NAA15: variants seen among roughly 807,000 people sequenced by gnomAD.
The protein encoded by NAA15 is N-alpha-acetyltransferase 15, NatA auxiliary subunit, also known as N-terminal acetyltransferase.
Under a neutral mutation model 114.0 loss-of-function variants are expected in NAA15, and 34 were observed. The observed-to-expected ratio is 0.30, with a 90% CI of 0.23 to 0.40. The LOEUF is 0.40. NAA15 is among the 10% of genes least tolerant of loss of function. The pLI, the probability that NAA15 is intolerant of heterozygous loss-of-function variation, is 1.00. For synonymous variants in NAA15, 340 were observed against 338.0 expected, an observed-to-expected ratio of 1.01 and a Z score of -0.06; for missense variants, 658 against 1,004.5, an observed-to-expected ratio of 0.66 and a Z score of 4.66.
intron 9 of NAA15, 113 bp from the exon 10 acceptor site, chr4:139,353,913 G>T (rs1747860027): frequency 2.8e-6 from 2 of 721,802 alleles, no homozygotes; most frequent in Admixed American, 5.3e-5. Context: ...ATAAAGGAGG[G>T]TGTGTGTGTT....
At chr4:139,301,856 G>T (rs962018727) in intron 1 of NAA15, 25 bp downstream of exon 1, 1 of 1,577,620 alleles carries the variant, frequency 6.3e-7, no homozygotes, top group East Asian at 2.4e-5. Flanking sequence ...CCGGGCAAGC[G>T]GTGGGGAGGA....
At chr4:139,314,328 G>C (rs111342624) in intron 1 of NAA15, among the ~76,000 whole-genome samples, 6 of 151,782 alleles carry the variant, frequency 4.0e-5, no homozygotes, top group Admixed American at 2.0e-4. Context: ...ACTTGTTTTG[G>C]CTAGGTGCTG....
chr4:139,335,444 C>T (rs1370496080), intron 2 of NAA15, among the ~76,000 whole-genome samples: 1 of 152,036 alleles, frequency 6.6e-6, no homozygotes, highest in African/African-American at 2.4e-5. Flanking sequence ...CAGCTCACTA[C>T]AGCTTCCACC....
intron 1 of NAA15, among the ~76,000 whole-genome samples, chr4:139,314,984 C>CGTTCAGTTCA (rs200195608): frequency 2.4e-5 from 2 of 84,390 alleles, no homozygotes; most frequent in African/African-American, 4.0e-5. Context: ...CCTAGAGAAG[C>CGTTCAGTTCA]GTTCAGTTCA....
At chr4:139,349,396 A>C (rs1747705191) in intron 6 of NAA15, 66 bp from the exon 7 acceptor site, 3 of 1,384,804 alleles carry the variant, frequency 2.2e-6, no homozygotes, top group Non-Finnish European at 2.9e-6. Context: ...TTTGAGGAAA[A>C]GTTAAAATTC....
At chr4:139,302,013 C>T (rs1055933505) in intron 1 of NAA15, 182 bp downstream of exon 1, 8 of 550,964 alleles carry the variant, frequency 1.5e-5, no homozygotes, top group African/African-American at 7.9e-5. Context: ...GCCCGCGCGC[C>T]AGGGACCACA....
Position 139,301,738 on chromosome 4 carries a change from G to C in NAA15, c.-40G>C, listed in dbSNP as rs1043324484. 2 of 1,543,974 alleles carry C rather than the reference G, an allele frequency of 1.3e-6. No individual in the cohort carries two copies. Among genetic ancestry groups the C allele is most frequent in the Non-Finnish European group, 1.8e-6 (2 of 1,141,336 alleles). Reference sequence around the variant, plus strand: ...CGGCGGTCGGACAAACTGACTGACCGAGCCGGGTGGTGGCGGGAGCAGCGG... The same window carrying C: ...CGGCGGTCGGACAAACTGACTGACCCAGCCGGGTGGTGGCGGGAGCAGCGG... On this transcript the variant is annotated 5_prime_UTR_variant, in exon 1 of 20. Coordinates refer to ENST00000296543, the MANE Select transcript of NAA15 (RefSeq NM_057175.5).
rs773256638 is a variant in NAA15, at chr4:139,389,327, G to C, written c.*1243G>C. On this transcript the variant is annotated 3_prime_UTR_variant, in exon 20 of 20. Transcript: ENST00000296543. ...ATAAATTGTTTTGAAAAACAGTTGTGTGAATATTTCAACTAATCTGTGTTG... is the reference window on the plus strand; with the variant it reads ...ATAAATTGTTTTGAAAAACAGTTGTCTGAATATTTCAACTAATCTGTGTTG... 2 of 150,978 alleles carry C rather than the reference G, an allele frequency of 1.3e-5. No individual in the cohort carries two copies. The highest frequency in any genetic ancestry group is 2.9e-5 in the Non-Finnish European group (2 of 67,838). 9.4% of individuals were successfully genotyped at this position (150,978 alleles called of 1,614,324 possible).
rs1384063405 is a variant in NAA15, at chr4:139,370,216, A to G, written c.1759A>G (p.Met587Val). ...AATTAACTTATTGCCTGCAGCAAAC[A>G]TGTCTGACAAAGAGCTAAAGAAGCT... Reference protein sequence around the residue: ...NKEHEADTANMSDKELKKLRN... With the variant: ...NKEHEADTANVSDKELKKLRN... The change falls in exon 15 of 20, where the codon ATG becomes GTG. Residue 587 changes from methionine (M) to valine (V), a missense_variant. By Grantham distance (21) the Met-to-Val change is conservative. Around this residue, in one of 6 missense-constraint regions of NAA15, gnomAD observed 275 missense variants for 371.1 expected, o/e 0.74. Coordinates refer to ENST00000296543, the MANE Select transcript of NAA15 (RefSeq NM_057175.5). 1.3e-6 allele frequency: 2 copies of G among 1,536,964 alleles called. No individual in the cohort carries two copies. Among genetic ancestry groups the G allele is most frequent in the Non-Finnish European group, 1.7e-6 (2 of 1,148,900 alleles).
intron 1 of NAA15, among the ~76,000 whole-genome samples, chr4:139,315,001 T>TTAGGTTAGGTTAGGTTAGG (rs1181192026): frequency 1.3e-5 from 1 of 74,350 alleles, no homozygotes; most frequent in Admixed American, 1.5e-4. Flanking sequence ...TTCAGTTCAG[T>TTAGGTTAGGTTAGGTTAGG]TTAGTTTAGG....
intron 10 of NAA15, among the ~76,000 whole-genome samples, chr4:139,356,014 T>G (rs1747938083): frequency 6.6e-6 from 1 of 152,234 alleles, no homozygotes. Context: ...TTTTAAAATT[T>G]CTTTACCAGT....
intron 19 of NAA15, chr4:139,386,496 C>A: frequency 3.9e-6 from 1 of 258,702 alleles, no homozygotes. Flanking sequence ...CTCTGCATTT[C>A]TGAGCAAGCA....
In NAA15 at chr4:139,340,076, C is replaced by T. The variant is rs528469743; in HGVS notation, c.245-836C>T. Among the ~76,000 whole-genome samples, 18 of 152,218 alleles carry T rather than the reference C, an allele frequency of 1.2e-4. No homozygotes were observed. In the South Asian group the frequency reaches 3.7e-3, roughly 32 times the overall value. On this transcript the variant is annotated intron_variant, in intron 3 of 19. Coordinates refer to ENST00000296543, the MANE Select transcript of NAA15 (RefSeq NM_057175.5). ...GGAGCTTATGCCTGTAATCCCCGCA[C>T]TTTGGGAGGCCAAGGCAGGTGTATT...
intron 14 of NAA15, among the ~76,000 whole-genome samples, chr4:139,368,172 A>G (rs539779016): frequency 6.6e-6 from 1 of 152,354 alleles, no homozygotes; most frequent in African/African-American, 2.4e-5. Flanking sequence ...ACTCAAAAAC[A>G]TAGCAGCTTT....
rs60663792 is a variant in NAA15, at chr4:139,315,045, G to GTTTA, written c.54+13214_54+13215insTTTA. ...GGTTAGGTTAGGTTAGGTTAGGTTA[G>GTTTA]GTTAGGTTAGTTTAGTTTAGTTTAG... On this transcript the variant is annotated intron_variant, in intron 1 of 19. Transcript: ENST00000296543. 5.7e-3 allele frequency among the ~76,000 whole-genome samples: 483 copies of GTTTA among 84,650 alleles called. 17 individuals are homozygous for GTTTA. Among genetic ancestry groups the GTTTA allele is most frequent in the African/African-American group, 0.022 (391 of 17,572 alleles). 55.5% of individuals were successfully genotyped at this position (84,650 alleles called of 152,430 possible).
chr4:139,381,278 AAAC>A (rs746094612), intron 17 of NAA15, among the ~76,000 whole-genome samples: 74 of 152,242 alleles, frequency 4.9e-4, no homozygotes, highest in Non-Finnish European at 9.4e-4. Context: ...GTAGGACTTA[AAAC>A]AATTACATTT....
intron 1 of NAA15, among the ~76,000 whole-genome samples, chr4:139,320,098 G>A (rs1191080623): frequency 6.6e-6 from 1 of 152,110 alleles, no homozygotes. Context: ...CTTTGCATTG[G>A]TATCTGTTTC....
intron 4 of NAA15, among the ~76,000 whole-genome samples, chr4:139,341,722 AT>A (rs1394645203): frequency 2.0e-5 from 3 of 149,772 alleles, no homozygotes; most frequent in Non-Finnish European, 4.4e-5. Context: ...CAAAAAAAAA[AT>A]TTTTTTTTTC....
At chr4:139,321,494 C>T (rs1433960420) in intron 1 of NAA15, among the ~76,000 whole-genome samples, 10 of 89,488 alleles carry the variant, frequency 1.1e-4, no homozygotes, top group Admixed American at 6.4e-4. Context: ...TTTTTTGAAA[C>T]GGAGTCTCGC....
Sources: gnomAD v4.1 joint callset for allele counts (sites outside exome capture counted in the v4.1 genomes callset) on GRCh38, gnomAD v4.1.1 for gene constraint, gnomAD v4.1.1 regional missense constraint, MANE v1.5 for transcripts, NCBI Gene and HGNC (gene_info 2026-07-23, HGNC 2026-07-21) for gene names.